The following CHMP4C variants were observed in gnomAD, a reference collection of about 807,000 sequenced individuals.
CHMP4C encodes the protein SNF7 homolog associated with Alix 3.
A neutral mutation model predicts 29.0 loss-of-function variants in CHMP4C; 28 were observed. The observed-to-expected ratio is 0.97, with a 90% CI of 0.72 to 1.32. The LOEUF (loss-of-function observed/expected upper bound fraction) is 1.32. CHMP4C is among the 40% of genes most tolerant of loss of function. The probability of loss-of-function intolerance (pLI) is 0.00; values close to 1 mark genes in which losing one functional copy is unlikely to be tolerated. For missense variants in CHMP4C, 291 were observed against 281.0 expected (o/e 1.04, Z -0.25); for synonymous variants, 106 against 102.4 (o/e 1.04, Z -0.21).
rs911691071 is a variant in CHMP4C at position 81,749,279 on chromosome 8, T to C, written c.191-3785T>C. ...CTAATATCTATTCATTTTATTTCTG[T>C]AAAATGACCAATATCTACTCTTGGG... On this transcript the variant is annotated intron_variant, in intron 1 of 4. Coordinates refer to ENST00000297265, the MANE Select transcript of CHMP4C (RefSeq NM_152284.4). 4.6e-5 allele frequency among the ~76,000 whole-genome samples: 7 copies of C among 152,192 alleles called. No individual in the cohort carries two copies. In the East Asian group the frequency reaches 7.7e-4, roughly 17 times the overall value.
At chr8:81,739,419 G>GGGGT (rs1554592446) in intron 1 of CHMP4C, among the ~76,000 whole-genome samples, 1 of 15,494 alleles carries the variant, frequency 6.5e-5, no homozygotes, top group South Asian at 4.0e-3. Context: ...GGGGGATTGT[G>GGGGT]GGGGGGGGTG....
intron 1 of CHMP4C, among the ~76,000 whole-genome samples, chr8:81,737,533 A>G (rs1469745330): frequency 1.3e-5 from 2 of 152,230 alleles, no homozygotes; most frequent in African/African-American, 4.8e-5. Context: ...TTTTGCTTAA[A>G]TATAATATCC....
chr8:81,736,149 C>T (rs951070197), intron 1 of CHMP4C, among the ~76,000 whole-genome samples: 2 of 150,934 alleles, frequency 1.3e-5, no homozygotes, highest in Non-Finnish European at 3.0e-5. Context: ...ATGTTAGAAA[C>T]GGGATCTCAC....
intron 1 of CHMP4C, among the ~76,000 whole-genome samples, chr8:81,745,829 G>A (rs1035809640): frequency 6.6e-6 from 1 of 152,158 alleles, no homozygotes; most frequent in Non-Finnish European, 1.5e-5. Flanking sequence ...AAAGAATGTT[G>A]TCCAGGTCTC....
intron 1 of CHMP4C, among the ~76,000 whole-genome samples, chr8:81,743,737 T>TA (rs1808791423): frequency 6.6e-6 from 1 of 152,176 alleles, no homozygotes; most frequent in African/African-American, 2.4e-5. Flanking sequence ...TTTTTAAATA[T>TA]TCTCTTGCGT....
intron 1 of CHMP4C, among the ~76,000 whole-genome samples, chr8:81,747,744 G>C (rs1203080029): frequency 2.0e-5 from 3 of 152,220 alleles, no homozygotes; most frequent in East Asian, 3.9e-4. Flanking sequence ...GGATAGGTGT[G>C]GGTGACAGAC....
At chr8:81,757,039 C>T (rs540794632) in intron 3 of CHMP4C, among the ~76,000 whole-genome samples, 30 of 152,048 alleles carry the variant, frequency 2.0e-4, no homozygotes, top group Admixed American at 1.2e-3. Context: ...ATTCTGATAC[C>T]CACTGACTTA....
intron 1 of CHMP4C, among the ~76,000 whole-genome samples, chr8:81,751,653 A>C (rs576852408): frequency 6.6e-6 from 1 of 152,240 alleles, no homozygotes; most frequent in South Asian, 2.1e-4. Flanking sequence ...GAAAGCAGAA[A>C]GAGAACAAAA....
chr8:81,737,486 T>G (rs1018971900), intron 1 of CHMP4C, among the ~76,000 whole-genome samples: 6 of 152,252 alleles, frequency 3.9e-5, no homozygotes, highest in Admixed American at 2.0e-4. Flanking sequence ...ATACACACCT[T>G]ACAGGTCACT....
At chr8:81,735,267 A>G (rs567376859) in intron 1 of CHMP4C, among the ~76,000 whole-genome samples, 10 of 152,292 alleles carry the variant, frequency 6.6e-5, no homozygotes, top group South Asian at 2.1e-4. Flanking sequence ...AAACTCCCAG[A>G]GCTTCTAGAG....
In CHMP4C at chr8:81,739,421, G is replaced by GT. The variant is rs1233571297; in HGVS notation, c.190+6605_190+6606insT. On this transcript the variant is annotated intron_variant, in intron 1 of 4. Transcript: ENST00000297265. The stretch of plus-strand genomic sequence containing the variant: ...TATTCTAAGGCCTGGGGGATTGTGG[G>GT]GGGGGGTGGAAAAAAAAAAAGTCTT... Among the ~76,000 whole-genome samples, 23 of 140,834 alleles carry GT rather than the reference G, an allele frequency of 1.6e-4. 1 individual carries two copies. Among genetic ancestry groups the GT allele is most frequent in the Non-Finnish European group, 3.2e-4 (21 of 65,544 alleles). 92.4% of individuals were successfully genotyped at this position (140,834 alleles called of 152,430 possible). A position where few individuals can be genotyped will look rare whatever the true frequency, so the allele number is the denominator to read the frequency against.
At chr8:81,750,145 A>G (rs1210687151) in intron 1 of CHMP4C, among the ~76,000 whole-genome samples, 2 of 152,230 alleles carry the variant, frequency 1.3e-5, no homozygotes, top group African/African-American at 2.4e-5. Flanking sequence ...CTATAAAACA[A>G]GAATAGGCTG....
Position 81,758,673 on chromosome 8 carries a change from C to T in CHMP4C, c.*129C>T. The T allele has an allele frequency of 1.4e-6, 1 of 697,326 alleles. No individual in the cohort carries two copies. 43.2% of individuals were successfully genotyped at this position (697,326 alleles called of 1,614,324 possible). A position where few individuals can be genotyped will look rare whatever the true frequency, so the allele number is the denominator to read the frequency against. On this transcript the variant is annotated 3_prime_UTR_variant, in exon 5 of 5. Coordinates refer to ENST00000297265, the MANE Select transcript of CHMP4C (RefSeq NM_152284.4). ...ATTGAATGAATAATTGTGTTTTAAG[C>T]CTCCTAAGTAAAAGTAAAAAAGGAG...
chr8:81,741,792 C>A (rs1808765379), intron 1 of CHMP4C, among the ~76,000 whole-genome samples: 2 of 152,134 alleles, frequency 1.3e-5, no homozygotes, highest in African/African-American at 4.8e-5. Context: ...TAGTTTCATA[C>A]TTTTCATGCC....
chr8:81,739,095 C>G (rs1808728208), intron 1 of CHMP4C, among the ~76,000 whole-genome samples: 1 of 127,912 alleles, frequency 7.8e-6, no homozygotes, highest in Non-Finnish European at 1.6e-5. Context: ...TTTTTCTTTT[C>G]CCTTTTTTTT....
intron 2 of CHMP4C, 115 bp downstream of exon 2, chr8:81,753,356 A>G (rs1437502253): frequency 1.6e-6 from 1 of 616,760 alleles, no homozygotes. Flanking sequence ...GCTCTTTGAC[A>G]TGTTGAATAA....
At chr8:81,736,331 C>CT (rs568946562) in intron 1 of CHMP4C, among the ~76,000 whole-genome samples, 1,785 of 146,562 alleles carry the variant, frequency 0.012, 30 homozygotes, top group African/African-American at 0.042. Context: ...ATTTAATTTT[C>CT]TTTTTTTTTT....
At position 81,732,703 on chromosome 8, in the gene CHMP4C, T is replaced by C. The variant is rs1179030022; in HGVS notation, c.77T>C (p.Leu26Pro). The C allele has an allele frequency of 4.4e-6, 7 of 1,596,040 alleles. No homozygotes were observed. Among genetic ancestry groups the C allele is most frequent in the Non-Finnish European group, 6.0e-6 (7 of 1,171,398 alleles). ...GCCGCTCCCAGTCCCCAGGAGGCCCTGGTCCGACTTCGGGAGACTGAGGAG... is the reference window on the plus strand; with the variant it reads ...GCCGCTCCCAGTCCCCAGGAGGCCCCGGTCCGACTTCGGGAGACTGAGGAG... ...SRAAPSPQEALVRLRETEEML... is the reference protein window; with the variant it reads ...SRAAPSPQEAPVRLRETEEML... The change falls in exon 1 of 5, where the codon CTG (leucine) becomes CCG (proline). Residue 26 changes from leucine (L) to proline (P), a missense_variant. Coordinates refer to ENST00000297265, the MANE Select transcript of CHMP4C (RefSeq NM_152284.4).
At chr8:81,752,515 G>A (rs751747490) in intron 1 of CHMP4C, among the ~76,000 whole-genome samples, 13 of 152,178 alleles carry the variant, frequency 8.5e-5, no homozygotes, top group African/African-American at 1.9e-4. Flanking sequence ...GGATGCTCAC[G>A]GTTAGATGTA....
Sources: gnomAD v4.1 joint callset for allele counts (sites outside exome capture counted in the v4.1 genomes callset) on GRCh38, gnomAD v4.1.1 for gene constraint, MANE v1.5 for transcripts, NCBI Gene and HGNC (gene_info 2026-07-23, HGNC 2026-07-21) for gene names.